Variants in CRYBG1 observed in about 807,000 individuals in gnomAD.
CRYBG1 encodes beta/gamma crystallin domain-containing protein 1.
A neutral mutation model predicts 189.2 loss-of-function variants in CRYBG1; 139 were observed. The ratio of observed to expected loss-of-function variants is 0.73; its 90% CI spans 0.64 to 0.85. The LOEUF is 0.85. Ranked by LOEUF, CRYBG1 falls within the 40% of genes least tolerant of loss-of-function variation. The pLI, the probability that CRYBG1 is intolerant of heterozygous loss-of-function variation, is 0.00. For synonymous variants in CRYBG1, 1,023 were observed against 1,017.1 expected (o/e 1.01, Z -0.11); for missense variants, 2,611 against 2,675.8 (o/e 0.98, Z 0.53).
chr6:106,380,679 G>A (rs1224897205), intron 1 of CRYBG1, among the ~76,000 whole-genome samples: 4 of 152,098 alleles, frequency 2.6e-5, no homozygotes, highest in Non-Finnish European at 4.4e-5. Flanking sequence ...ACTTTCTTGA[G>A]GCTTAGATTC....
chr6:106,518,299 A>T (rs549145056), intron 3 of CRYBG1, among the ~76,000 whole-genome samples: 107 of 152,322 alleles, frequency 7.0e-4, no homozygotes, highest in African/African-American at 2.4e-3. Flanking sequence ...AATCAGAGAA[A>T]ATCTTATGGG....
chr6:106,443,535 C>T (rs1009470706), intron 1 of CRYBG1, among the ~76,000 whole-genome samples: 1 of 152,122 alleles, frequency 6.6e-6, no homozygotes, highest in South Asian at 2.1e-4. Flanking sequence ...AAGAGTTCTA[C>T]GTGGCTGCAT....
At chr6:106,513,992 C>T (rs968431277) in intron 3 of CRYBG1, among the ~76,000 whole-genome samples, 4 of 152,126 alleles carry the variant, frequency 2.6e-5, no homozygotes, top group African/African-American at 9.7e-5. Flanking sequence ...TTTTTATAGC[C>T]CCATCTGGCA....
At chr6:106,496,911 G>A (rs1772864034) in intron 2 of CRYBG1, among the ~76,000 whole-genome samples, 1 of 152,218 alleles carries the variant, frequency 6.6e-6, no homozygotes, top group Non-Finnish European at 1.5e-5. Context: ...GACTAGAGCA[G>A]GGCAGGAGAG....
chr6:106,451,001 C>T (rs2236071), intron 1 of CRYBG1, among the ~76,000 whole-genome samples: 38,528 of 152,078 alleles, frequency 0.25, 6,101 homozygotes, highest in South Asian at 0.38. Flanking sequence ...AGAGCAATCC[C>T]GACTGACTAC....
chr6:106,428,916 A>G (rs9399998), intron 1 of CRYBG1, among the ~76,000 whole-genome samples: 17,228 of 152,216 alleles, frequency 0.11, 1,239 homozygotes, highest in Non-Finnish European at 0.15. Flanking sequence ...CCAACTTTTT[A>G]TCAGATAAAC....
intron 1 of CRYBG1, among the ~76,000 whole-genome samples, chr6:106,419,825 A>G (rs77232005): frequency 6.6e-6 from 1 of 152,214 alleles, no homozygotes; most frequent in African/African-American, 2.4e-5. Context: ...CAGGAAAAAA[A>G]TCATCTGAGC....
At chr6:106,491,417 G>A (rs1772719101) in intron 2 of CRYBG1, among the ~76,000 whole-genome samples, 1 of 152,118 alleles carries the variant, frequency 6.6e-6, no homozygotes, top group Admixed American at 6.5e-5. Context: ...ACTGACTTAG[G>A]GCTGAGATAG....
At chr6:106,363,128 C>T (rs1002895846) in intron 1 of CRYBG1, among the ~76,000 whole-genome samples, 10 of 149,844 alleles carry the variant, frequency 6.7e-5, no homozygotes, top group African/African-American at 2.5e-4. Flanking sequence ...CCTGTAGTCC[C>T]AGCTACACGG....
chr6:106,512,080 C>G lies in CRYBG1; in HGVS notation c.963C>G (p.Ala321=). The G allele has an allele frequency of 6.5e-7, 1 of 1,534,412 alleles. No individual in the cohort carries two copies. The highest frequency in any genetic ancestry group is 1.2e-5 in the South Asian group (1 of 83,918). ...CTAACGGAGCCCCCAGTGTGTGTGC[C>G]GAAGAAGGCTCCCTGGGGCCCCGCA... The part of the protein sequence containing the change: ...EAPNGAPSVC[A]EEGSLGPRNA... Residue 321 remains alanine, a synonymous_variant, in exon 3 of 22, where the codon GCC becomes GCG. Transcript: ENST00000633556.
intron 1 of CRYBG1, among the ~76,000 whole-genome samples, chr6:106,420,117 G>C (rs1490737477): frequency 6.6e-6 from 1 of 152,184 alleles, no homozygotes; most frequent in Non-Finnish European, 1.5e-5. Context: ...AAGTATTGAA[G>C]TATAAACTGA....
At chr6:106,444,029 C>T (rs966730514) in intron 1 of CRYBG1, among the ~76,000 whole-genome samples, 2 of 152,084 alleles carry the variant, frequency 1.3e-5, no homozygotes, top group African/African-American at 2.4e-5. Flanking sequence ...TTCCTCCTTG[C>T]CTGCTCCATG....
rs1773713506 is a variant in CRYBG1 at position 106,525,274 on chromosome 6, A to T, written c.4300A>T (p.Ile1434Leu). 1 of 1,613,884 alleles carries T rather than the reference A, an allele frequency of 6.2e-7. No homozygotes were observed. The highest frequency in any genetic ancestry group is 1.3e-5 in the African/African-American group (1 of 74,898). ...CACTTTCGTTTTCTTGCAGGTAGTG[A>T]TATATAGTGAACCCGACGTCTCTGA... is the stretch of plus-strand genomic sequence containing the variant. The part of the protein sequence containing the change: ...KLNPRPGKVV[I>L]YSEPDVSEKC... The change falls in exon 6 of 22, where the codon ATA (isoleucine) becomes TTA (leucine). Residue 1434 changes from isoleucine (I) to leucine (L), a missense_variant. By Grantham distance (5) the Ile-to-Leu change is conservative. Transcript: ENST00000633556.
rs77163030 is a variant in CRYBG1, at chr6:106,496,459, G to A, written c.313-14971G>A. Among the ~76,000 whole-genome samples the A allele has an allele frequency of 6.8e-4, 104 of 152,086 alleles. 1 individual carries two copies. The highest frequency in any genetic ancestry group is 2.3e-3 in the African/African-American group (96 of 41,484). ...AGCTCTTCATCTTCCCCTAGAAATC[G>A]TAACAGAATTAATACCTCGTGACTT... On this transcript the variant is annotated intron_variant, in intron 2 of 21. Transcript: ENST00000633556.
At chr6:106,530,461 A>T in intron 8 of CRYBG1, 146 bp downstream of exon 8, 1 of 739,236 alleles carries the variant, frequency 1.4e-6, no homozygotes, top group Non-Finnish European at 2.1e-6. Flanking sequence ...AAGGCACGTA[A>T]AATTCTGATT....
At chr6:106,416,845 TG>T (rs1188665341) in intron 1 of CRYBG1, among the ~76,000 whole-genome samples, 2 of 152,180 alleles carry the variant, frequency 1.3e-5, no homozygotes, top group African/African-American at 4.8e-5. Context: ...TCATTTTGGT[TG>T]AAAAACATAT....
At chr6:106,375,808 A>G (rs968095671) in intron 1 of CRYBG1, among the ~76,000 whole-genome samples, 48 of 152,282 alleles carry the variant, frequency 3.2e-4, no homozygotes, top group Middle Eastern at 3.4e-3. Flanking sequence ...GGGTGTACAT[A>G]CCAAGATCCC....
chr6:106,548,670 T>C (rs1774318781), intron 13 of CRYBG1, among the ~76,000 whole-genome samples: 1 of 152,182 alleles, frequency 6.6e-6, no homozygotes, highest in Non-Finnish European at 1.5e-5. Context: ...TTTTTTGATG[T>C]GGCTCTACTT....
intron 2 of CRYBG1, among the ~76,000 whole-genome samples, chr6:106,471,946 A>G (rs192432392): frequency 2.4e-3 from 368 of 152,328 alleles, no homozygotes; most frequent in African/African-American, 8.2e-3. Context: ...CTATGGAAAC[A>G]TTTCTTTCAA....
Sources: gnomAD v4.1 joint callset for allele counts (sites outside exome capture counted in the v4.1 genomes callset) on GRCh38, gnomAD v4.1.1 for gene constraint, MANE v1.5 for transcripts, NCBI Gene and HGNC (gene_info 2026-07-23, HGNC 2026-07-21) for gene names.